SEMA3C: variants seen among roughly 807,000 people sequenced by gnomAD.
SEMA3C encodes the protein semaphorin-3C.
A neutral mutation model predicts 89.4 loss-of-function variants in SEMA3C; 47 were observed. That is an observed-to-expected ratio of 0.53 (90% CI 0.42 to 0.67). The LOEUF (loss-of-function observed/expected upper bound fraction) is 0.67. SEMA3C is among the 30% of genes least tolerant of loss of function. SEMA3C has a pLI of 0.00. For synonymous variants in SEMA3C, 310 were observed against 320.2 expected (o/e 0.97, Z 0.34); for missense variants, 839 against 929.1 (o/e 0.90, Z 1.26).
At chr7:80,899,967 T>C (rs1194416731) in intron 2 of SEMA3C, among the ~76,000 whole-genome samples, 2 of 152,192 alleles carry the variant, frequency 1.3e-5, no homozygotes, top group East Asian at 1.9e-4. Context: ...ATTTAAGGGA[T>C]ACAGGTGCAG....
At chr7:80,887,336 C>T (rs756125535) in intron 2 of SEMA3C, among the ~76,000 whole-genome samples, 4 of 152,062 alleles carry the variant, frequency 2.6e-5, no homozygotes, top group South Asian at 2.1e-4. Context: ...TAGAAAAGCA[C>T]GATTTATTGA....
chr7:80,847,262 C>A (rs1299527058), intron 2 of SEMA3C: 1 of 152,116 alleles, frequency 6.6e-6, no homozygotes, highest in African/African-American at 2.4e-5. Context: ...TCACTCACCA[C>A]AGAGCAAATT....
intron 4 of SEMA3C, 115 bp downstream of exon 4, chr7:80,827,310 A>C (rs1583915888): frequency 8.7e-7 from 1 of 1,149,590 alleles, no homozygotes; most frequent in Non-Finnish European, 1.2e-6. Context: ...TGTCCAGCAA[A>C]AATTTAAAAC....
chr7:80,750,435 C>CATATATATAT (rs71520704), intron 16 of SEMA3C, among the ~76,000 whole-genome samples: 57 of 71,016 alleles, frequency 8.0e-4, no homozygotes, highest in African/African-American at 1.7e-3. Context: ...TACATACGTA[C>CATATATATAT]ATATATATAT....
At chr7:80,863,252 C>T (rs906991008) in intron 2 of SEMA3C, among the ~76,000 whole-genome samples, 5 of 146,370 alleles carry the variant, frequency 3.4e-5, no homozygotes, top group African/African-American at 5.1e-5. Context: ...AAAAATAGCT[C>T]AACATCACTA....
chr7:80,821,234 A>G (rs1414726627), intron 4 of SEMA3C, among the ~76,000 whole-genome samples: 3 of 152,212 alleles, frequency 2.0e-5, no homozygotes, highest in African/African-American at 4.8e-5. Flanking sequence ...ACACATATTC[A>G]TTCAGGTTTT....
In SEMA3C at chr7:80,870,294, G is replaced by A. The variant is rs1393195967; in HGVS notation, c.104-41549C>T. 5.9e-5 allele frequency among the ~76,000 whole-genome samples: 9 copies of A among 152,204 alleles called. No homozygotes were observed. The East Asian group carries it at 1.7e-3, about 29-fold the overall frequency. On this transcript the variant is annotated intron_variant, in intron 2 of 17. Transcript: ENST00000265361. ...TTCCTTTCTCTTCCATGCCTTGTCT[G>A]ATGCCACCAATGAATCATATTAACC...
At chr7:80,765,664 C>T (rs573379614) in intron 12 of SEMA3C, among the ~76,000 whole-genome samples, 1 of 152,230 alleles carries the variant, frequency 6.6e-6, no homozygotes, top group East Asian at 1.9e-4. Flanking sequence ...GCAACCTCCA[C>T]CTTCCGGGTT....
intron 12 of SEMA3C, among the ~76,000 whole-genome samples, chr7:80,784,099 A>G (rs1319089684): frequency 6.6e-6 from 1 of 152,184 alleles, no homozygotes; most frequent in Non-Finnish European, 1.5e-5. Context: ...AGACACTTAA[A>G]TATTTTCATA....
upstream of SEMA3C, among the ~76,000 whole-genome samples, chr7:80,921,380 G>T (rs1792406055): frequency 6.6e-6 from 1 of 152,180 alleles, no homozygotes; most frequent in African/African-American, 2.4e-5. Context: ...AGGACACAGT[G>T]CTCATGCTTG....
intron 12 of SEMA3C, among the ~76,000 whole-genome samples, chr7:80,784,045 A>C (rs984123499): frequency 3.9e-5 from 6 of 152,172 alleles, no homozygotes; most frequent in African/African-American, 1.4e-4. Flanking sequence ...TTCATGTATA[A>C]TGCTAAAAAT....
At chr7:80,840,173 T>C (rs1234185338) in intron 2 of SEMA3C, among the ~76,000 whole-genome samples, 3 of 152,088 alleles carry the variant, frequency 2.0e-5, no homozygotes, top group Non-Finnish European at 4.4e-5. Context: ...CACAGCAGGC[T>C]GTATACAAAA....
chr7:80,879,863 T>G (rs1306688582), intron 2 of SEMA3C, among the ~76,000 whole-genome samples: 2 of 152,162 alleles, frequency 1.3e-5, no homozygotes, highest in Non-Finnish European at 2.9e-5. Context: ...CAGGGTGACA[T>G]GGAGCAAACA....
At chr7:80,851,956 G>A (rs1790523878) in intron 2 of SEMA3C, among the ~76,000 whole-genome samples, 1 of 152,056 alleles carries the variant, frequency 6.6e-6, no homozygotes, top group East Asian at 1.9e-4. Flanking sequence ...ATGATGGAAG[G>A]AGAATATCAT....
intron 2 of SEMA3C, among the ~76,000 whole-genome samples, chr7:80,832,906 T>C (rs1345748213): frequency 6.6e-6 from 1 of 152,214 alleles, no homozygotes; most frequent in Non-Finnish European, 1.5e-5. Flanking sequence ...TGATATTATC[T>C]TTTGAGGGTC....
intron 2 of SEMA3C, among the ~76,000 whole-genome samples, chr7:80,846,811 T>C (rs1339913992): frequency 6.6e-6 from 1 of 152,198 alleles, no homozygotes; most frequent in African/African-American, 2.4e-5. Flanking sequence ...ATGACGTGCA[T>C]ACACTGTATT....
chr7:80,795,996 C>A (rs1409531975), intron 11 of SEMA3C, among the ~76,000 whole-genome samples: 1 of 152,208 alleles, frequency 6.6e-6, no homozygotes, highest in African/African-American at 2.4e-5. Context: ...CTGATTCAAG[C>A]AGCATGGCTC....
chr7:80,920,707 A>G (rs1439752021), upstream of SEMA3C, among the ~76,000 whole-genome samples: 1 of 152,212 alleles, frequency 6.6e-6, no homozygotes, highest in South Asian at 2.1e-4. Flanking sequence ...ATTTTTTGTG[A>G]TGATGCGTGA....
At position 80,789,378 on chromosome 7, in the gene SEMA3C, T is replaced by G; in HGVS notation, c.1282A>C (p.Lys428Gln). ...CGATCCACAGCTATCTTTGTATACT[T>G]GTAGTCAGTGCCAATACGAACAATC... ...PLIVRIGTDY[K>Q]YTKIAVDRVN... The change falls in exon 12 of 18, where the codon AAG becomes CAG. Residue 428 changes from lysine to glutamine, a missense_variant. Transcript: ENST00000265361. 6.2e-7 allele frequency: 1 copy of G among 1,614,094 alleles called. No homozygotes were observed. Among genetic ancestry groups the G allele is most frequent in the Non-Finnish European group, 8.5e-7 (1 of 1,179,986 alleles).
Sources: allele counts gnomAD v4.1 joint callset (sites outside exome capture counted in the v4.1 genomes callset), GRCh38; gene constraint gnomAD v4.1.1; transcripts MANE v1.5; gene names NCBI Gene and HGNC (gene_info 2026-07-23, HGNC 2026-07-21).